Variants in THAP8 observed in about 807,000 individuals in gnomAD.
THAP8 encodes the protein THAP domain-containing protein 8.
Under a neutral mutation model 25.0 loss-of-function variants are expected in THAP8, and 24 were observed. That is an observed-to-expected ratio of 0.96 (90% confidence interval 0.69 to 1.35). The LOEUF (loss-of-function observed/expected upper bound fraction) is 1.35. Among genes scored for constraint, THAP8 ranks in the 40% most tolerant of loss-of-function variants. The probability of loss-of-function intolerance (pLI) is 0.00; values close to 1 mark genes in which losing one functional copy is unlikely to be tolerated. For missense variants in THAP8, 399 were observed against 368.8 expected (o/e 1.08, Z -0.67); for synonymous variants, 169 against 157.6 (o/e 1.07, Z -0.54).
At chr19:36,053,830 C>A (rs1021640716) in intron 1 of THAP8, among the ~76,000 whole-genome samples, 2 of 152,088 alleles carry the variant, frequency 1.3e-5, no homozygotes, top group African/African-American at 4.8e-5. Context: ...GGCTCAAATG[C>A]GTGGGGAGGG....
chr19:36,047,700 T>C (rs1357486784), intron 1 of THAP8, among the ~76,000 whole-genome samples: 1 of 152,020 alleles, frequency 6.6e-6, no homozygotes, highest in Admixed American at 6.6e-5. Flanking sequence ...CATGCGCCTG[T>C]AATTCTATAA....
Position 36,039,624 on chromosome 19 carries a change from A to C in THAP8, c.371T>G (p.Val124Gly). 6.6e-7 allele frequency: 1 copy of C among 1,507,782 alleles called. No homozygotes were observed. The highest frequency in any genetic ancestry group is 1.7e-4 in the Middle Eastern group (1 of 5,718). The allele number at this position is 1,507,782 out of a possible 1,614,324, so 93.4% of individuals were successfully genotyped here. A position where few individuals can be genotyped will look rare whatever the true frequency, so the allele number is the denominator to read the frequency against. Residue 124 changes from valine (V) to glycine (G), a missense_variant, in exon 3 of 4, where the codon GTC (valine) becomes GGC (glycine). Physicochemically the swap from Val to Gly is moderately radical, Grantham distance 109. Transcript: ENST00000292894. ...TPLPQSPAIP[V>G]SGPVRLVVLG... The stretch of plus-strand genomic sequence containing the variant: ...CACCACTAGGCGCACTGGGCCAGAG[A>C]CTGGGATGGCAGGGCTCTGGGGCAG...
chr19:36,038,211 GGGATTACGGGCA>G (rs1202425240), intron 3 of THAP8, among the ~76,000 whole-genome samples: 2 of 151,254 alleles, frequency 1.3e-5, no homozygotes, highest in Non-Finnish European at 2.9e-5. Flanking sequence ...CCAAAGTGCT[GGGATTACGGGCA>G]TGAGCCACCG....
At chr19:36,041,125 A>G (rs1205113512) in intron 1 of THAP8, among the ~76,000 whole-genome samples, 1 of 151,310 alleles carries the variant, frequency 6.6e-6, no homozygotes, top group Non-Finnish European at 1.5e-5. Context: ...AGCCTGGGCA[A>G]CATAGGGAGA....
rs770354761 is a variant in THAP8 at position 36,054,176 on chromosome 19, C to A, written c.42G>T (p.Ala14=). The A allele has an allele frequency of 4.3e-6, 7 of 1,613,714 alleles. No individual in the cohort carries two copies. The East Asian group carries it at 1.1e-4, about 26-fold the overall frequency. The part of the protein sequence containing the change: ...YCRAPNCSNT[A]GRLGADNRPV... ...GGCGGTTGTCTGCACCCAGGCGGCCCGCAGTGTTGGAGCAGTTCGGCGCCC... is the reference window on the plus strand; with the variant it reads ...GGCGGTTGTCTGCACCCAGGCGGCCAGCAGTGTTGGAGCAGTTCGGCGCCC... The change falls in exon 1 of 4, where the codon GCG becomes GCT. Residue 14 remains alanine, a synonymous_variant. Transcript: ENST00000292894.
At chr19:36,051,818 G>C (rs758873521) in intron 1 of THAP8, among the ~76,000 whole-genome samples, 7 of 152,122 alleles carry the variant, frequency 4.6e-5, no homozygotes, top group South Asian at 2.1e-4. Flanking sequence ...TGGCCTGTTA[G>C]GAATAGGGCC....
intron 3 of THAP8, among the ~76,000 whole-genome samples, chr19:36,037,243 TAC>T (rs67358015): frequency 0.2 from 22,668 of 113,438 alleles, 3,001 homozygotes; most frequent in African/African-American, 0.36. Flanking sequence ...CTTCCTCCCC[TAC>T]ACACACACAC....
intron 1 of THAP8, among the ~76,000 whole-genome samples, chr19:36,047,672 A>T (rs1969922956): frequency 6.6e-6 from 1 of 152,122 alleles, no homozygotes; most frequent in African/African-American, 2.4e-5. Context: ...AAATACAAAA[A>T]TTAGCTGGGT....
At chr19:36,035,992 G>A (rs1377562579) in intron 3 of THAP8, among the ~76,000 whole-genome samples, 2 of 152,160 alleles carry the variant, frequency 1.3e-5, no homozygotes, top group South Asian at 2.1e-4. Context: ...GGGGAGGGAG[G>A]AGATTGGGAG....
intron 1 of THAP8, among the ~76,000 whole-genome samples, chr19:36,051,116 A>C (rs1289130099): frequency 6.6e-6 from 1 of 152,180 alleles, no homozygotes; most frequent in Non-Finnish European, 1.5e-5. Flanking sequence ...AGACAGAGAG[A>C]ATCGTGTGTG....
At chr19:36,047,465 G>A (rs1052215325) in intron 1 of THAP8, among the ~76,000 whole-genome samples, 1 of 152,152 alleles carries the variant, frequency 6.6e-6, no homozygotes, top group African/African-American at 2.4e-5. Flanking sequence ...GGTGGCTGGG[G>A]CACTGGCAGC....
chr19:36,054,178 C>T lies in THAP8; in HGVS notation c.40G>A (p.Ala14Thr). 6.2e-7 allele frequency: 1 copy of T among 1,613,920 alleles called. No individual in the cohort carries two copies. Among genetic ancestry groups the T allele is most frequent in the Non-Finnish European group, 8.5e-7 (1 of 1,179,970 alleles). ...CGGTTGTCTGCACCCAGGCGGCCCG[C>T]AGTGTTGGAGCAGTTCGGCGCCCTG... ...YCRAPNCSNT[A>T]GRLGADNRPV... The change falls in exon 1 of 4, where the codon GCG becomes ACG. Residue 14 changes from alanine (A) to threonine (T), a missense_variant. Ala to Thr is a moderately conservative substitution (Grantham distance 58). Coordinates refer to ENST00000292894, the MANE Select transcript of THAP8 (RefSeq NM_152658.3).
chr19:36,035,616 T>G, intron 3 of THAP8, 24 bp from the exon 4 acceptor site: 2 of 1,602,816 alleles, frequency 1.2e-6, no homozygotes, highest in Admixed American at 1.7e-5. Flanking sequence ...GTGGTAGAGA[T>G]GGGGAACATT....
chr19:36,045,059 G>A (rs1354296626), intron 1 of THAP8, among the ~76,000 whole-genome samples: 1 of 151,702 alleles, frequency 6.6e-6, no homozygotes, highest in East Asian at 1.9e-4. Flanking sequence ...CCTGGAAACT[G>A]TGACTATTAC....
At chr19:36,045,614 T>C in intron 1 of THAP8, 1 of 407,236 alleles carries the variant, frequency 2.5e-6, no homozygotes, top group Non-Finnish European at 4.9e-6. Context: ...GTTAAGGATC[T>C]TGAGATGGGG....
At chr19:36,048,869 A>AAC (rs1555790110) in intron 1 of THAP8, among the ~76,000 whole-genome samples, 19 of 150,844 alleles carry the variant, frequency 1.3e-4, no homozygotes, top group South Asian at 4.3e-4. Flanking sequence ...AAAAAACAAA[A>AAC]AACACCTTTG....
At chr19:36,040,204 C>A in intron 1 of THAP8, 68 bp from the exon 2 acceptor site, 1 of 1,469,376 alleles carries the variant, frequency 6.8e-7, no homozygotes. Flanking sequence ...AGAGGATACC[C>A]ACCCTGGAGG....
At chr19:36,045,098 A>AT (rs1005333159) in intron 1 of THAP8, among the ~76,000 whole-genome samples, 2 of 151,764 alleles carry the variant, frequency 1.3e-5, no homozygotes, top group Non-Finnish European at 2.9e-5. Flanking sequence ...TATTTAATTT[A>AT]TTTTTTTGAG....
chr19:36,042,611 A>G (rs1203180641), intron 1 of THAP8, among the ~76,000 whole-genome samples: 2 of 152,248 alleles, frequency 1.3e-5, no homozygotes, highest in Non-Finnish European at 2.9e-5. Flanking sequence ...AGCCTGGGCA[A>G]AAGAGCGACA....
Sources: allele counts gnomAD v4.1 joint callset (sites outside exome capture counted in the v4.1 genomes callset), GRCh38; gene constraint gnomAD v4.1.1; transcripts MANE v1.5; gene names NCBI Gene and HGNC (gene_info 2026-07-23, HGNC 2026-07-21).